The following XPO4 variants were observed in gnomAD, a reference collection of about 807,000 sequenced individuals.
XPO4 encodes the protein exportin 4.
A neutral mutation model predicts 143.0 loss-of-function variants in XPO4; 39 were observed. That is an observed-to-expected ratio of 0.27 (90% confidence interval 0.21 to 0.36). The LOEUF (loss-of-function observed/expected upper bound fraction) is 0.36. Ranked by LOEUF, XPO4 falls within the 10% of genes least tolerant of loss-of-function variation. XPO4 has a pLI of 1.00. For missense variants in XPO4, 907 were observed against 1,348.0 expected (o/e 0.67, Z 5.12); for synonymous variants, 439 against 474.0 (o/e 0.93, Z 0.96).
chr13:20,860,549 A>G (rs746396609), intron 3 of XPO4, among the ~76,000 whole-genome samples: 1 of 152,226 alleles, frequency 6.6e-6, no homozygotes, highest in Non-Finnish European at 1.5e-5. Flanking sequence ...CAAAACAACA[A>G]ACAAAATAAC....
intron 22 of XPO4, among the ~76,000 whole-genome samples, chr13:20,785,901 A>AGGAG (rs1555329589): frequency 0.26 from 33,158 of 126,284 alleles, 6,278 homozygotes; most frequent in East Asian, 0.79. Flanking sequence ...AGAAAGAAAG[A>AGGAG]GGAGGGAGGA....
rs71200306 is a variant in XPO4 at position 20,861,777 on chromosome 13, C to CTTTTTTTTTTTTTTT, written c.317+925_317+939dup. ...TTAATAGAACCTTGCACATTTCTCT[C>CTTTTTTTTTTTTTTT]TTTTTTTTTTTTTTTTTTTTTTTTT... On this transcript the variant is annotated intron_variant, in intron 3 of 22. Transcript: ENST00000255305. Among the ~76,000 whole-genome samples the CTTTTTTTTTTTTTTT allele has an allele frequency of 4.1e-5, 3 of 73,442 alleles. 1 individual carries two copies. The highest frequency in any genetic ancestry group is 9.6e-5 in the African/African-American group (2 of 20,806). 48.2% of individuals were successfully genotyped at this position (73,442 alleles called of 152,430 possible).
intron 2 of XPO4, chr13:20,866,254 C>G: frequency 2.0e-6 from 2 of 984,172 alleles, no homozygotes; most frequent in East Asian, 1.1e-4. Context: ...CACACACACA[C>G]AGAAAAGAGC....
intron 2 of XPO4, chr13:20,865,725 T>C (rs142654237): frequency 5.2e-5 from 17 of 329,474 alleles, no homozygotes; most frequent in Non-Finnish European, 6.1e-5. Flanking sequence ...GCCACAGATA[T>C]ACAGCTACTA....
intron 1 of XPO4, among the ~76,000 whole-genome samples, chr13:20,869,124 T>C (rs1713597706): frequency 6.6e-6 from 1 of 152,132 alleles, no homozygotes; most frequent in African/African-American, 2.4e-5. Context: ...AAAAATCAGT[T>C]TCCAAAAGCA....
At chr13:20,858,050 A>C in intron 3 of XPO4, 1 of 862,948 alleles carries the variant, frequency 1.2e-6, no homozygotes, top group Non-Finnish European at 1.4e-6. Flanking sequence ...ACTGTAGGGC[A>C]TTCTACAAGA....
chr13:20,891,600 C>T (rs1315845995), intron 1 of XPO4, among the ~76,000 whole-genome samples: 2 of 151,990 alleles, frequency 1.3e-5, no homozygotes, highest in African/African-American at 4.8e-5. Context: ...TGGTGGCTCA[C>T]GTCTGTAATC....
intron 4 of XPO4, chr13:20,851,027 T>C (rs2060079591): frequency 1.0e-6 from 1 of 985,254 alleles, no homozygotes; most frequent in Non-Finnish European, 1.2e-6. Flanking sequence ...CAATACTAAA[T>C]CAATGTTCTG....
Position 20,865,164 on chromosome 13 carries a change from G to A in XPO4, c.176-2306C>T, listed in dbSNP as rs115346397. ...ATTTTTTTTTTTTTTTTGAGATGGA[G>A]TTTTGCTCTTGTTACTGAGACTAGA... On this transcript the variant is annotated intron_variant, in intron 2 of 22. Coordinates refer to ENST00000255305, the MANE Select transcript of XPO4 (RefSeq NM_022459.5). Among the ~76,000 whole-genome samples, 1,447 of 147,788 alleles carry A rather than the reference G, an allele frequency of 9.8e-3. 26 individuals carry two copies. The highest frequency in any genetic ancestry group is 0.035 in the African/African-American group (1,395 of 39,974).
intron 1 of XPO4, among the ~76,000 whole-genome samples, chr13:20,893,406 C>T (rs531664277): frequency 9.5e-4 from 145 of 152,074 alleles, no homozygotes; most frequent in Non-Finnish European, 1.8e-3. Context: ...CCCTTCAGAC[C>T]CACTAAGAAA....
At chr13:20,851,791 T>C (rs2060092844) in intron 4 of XPO4, 1 of 985,030 alleles carries the variant, frequency 1.0e-6, no homozygotes, top group Non-Finnish European at 1.2e-6. Flanking sequence ...GAGTCTTTCA[T>C]GAGAATATTA....
chr13:20,792,531 C>T (rs1425637232), intron 18 of XPO4, among the ~76,000 whole-genome samples: 2 of 151,798 alleles, frequency 1.3e-5, no homozygotes, highest in South Asian at 4.2e-4. Context: ...ATGGCGCCAC[C>T]GCAGTCCAGC....
rs554215729 is a variant in XPO4, at chr13:20,786,385, G to A, written c.3258+580C>T. 9.6e-4 allele frequency among the ~76,000 whole-genome samples: 146 copies of A among 151,724 alleles called. 4 individuals are homozygous for A. In the South Asian group the frequency reaches 0.029, roughly 30 times the overall value. On this transcript the variant is annotated intron_variant, in intron 22 of 22. Coordinates refer to ENST00000255305, the MANE Select transcript of XPO4 (RefSeq NM_022459.5). ...GCATGGGAGAGGAAAAGGGGAAACA[G>A]AGGCAGCAAACTGTTCAATACGGTC... is the stretch of plus-strand genomic sequence containing the variant.
At chr13:20,861,777 C>CTCTCTTTTTTTTTTTTTTTTTT (rs1370810623) in intron 3 of XPO4, among the ~76,000 whole-genome samples, 1 of 73,394 alleles carries the variant, frequency 1.4e-5, no homozygotes, top group African/African-American at 4.8e-5. Flanking sequence ...ACATTTCTCT[C>CTCTCTTTTTTTTTTTTTTTTTT]TTTTTTTTTT....
At chr13:20,849,138 A>G in intron 4 of XPO4, 2 of 985,440 alleles carry the variant, frequency 2.0e-6, no homozygotes, top group Non-Finnish European at 2.4e-6. Flanking sequence ...GTTCAGAGAG[A>G]GGATTGTCTC....
At chr13:20,819,821 G>A (rs1186957283) in intron 9 of XPO4, among the ~76,000 whole-genome samples, 1 of 152,120 alleles carries the variant, frequency 6.6e-6, no homozygotes, top group Non-Finnish European at 1.5e-5. Flanking sequence ...TATATTTCTG[G>A]TATTAGCTGT....
rs537317747 is a variant in XPO4, at chr13:20,800,299, G to T, written c.2004C>A (p.Phe668Leu). 6.2e-7 allele frequency: 1 copy of T among 1,613,608 alleles called. No homozygotes were observed. The highest frequency in any genetic ancestry group is 8.5e-7 in the Non-Finnish European group (1 of 1,179,894). The change falls in exon 15 of 23, where the codon TTC becomes TTA. Residue 668 changes from phenylalanine (F) to leucine (L), a missense_variant. By Grantham distance (22) the Phe-to-Leu change is conservative (BLOSUM62 0). Transcript: ENST00000255305. ...DQISLPFSTA[F>L]GADTEGSQWI... ...ACTGAGAACCCTCTGTATCTGCTCC[G>T]AACGCTGTACTGAATGGCAGACTTA...
At chr13:20,789,376 G>C (rs1327802120) in intron 19 of XPO4, among the ~76,000 whole-genome samples, 1 of 151,054 alleles carries the variant, frequency 6.6e-6, no homozygotes, top group Admixed American at 6.6e-5. Flanking sequence ...CTCACCTTCT[G>C]GACACTTCTC....
chr13:20,853,589 C>T (rs1208097689), intron 4 of XPO4, among the ~76,000 whole-genome samples: 1 of 151,974 alleles, frequency 6.6e-6, no homozygotes, highest in Non-Finnish European at 1.5e-5. Flanking sequence ...ATCAAAATGA[C>T]TTATAGAATG....
Sources: allele counts gnomAD v4.1 joint callset (sites outside exome capture counted in the v4.1 genomes callset), GRCh38; gene constraint gnomAD v4.1.1; transcripts MANE v1.5; gene names NCBI Gene and HGNC (gene_info 2026-07-23, HGNC 2026-07-21).